AUTS2: variants seen among roughly 807,000 people sequenced by gnomAD.
AUTS2 encodes the protein activator of transcription and developmental regulator AUTS2, also known as autism susceptibility gene 2 protein.
AUTS2 carries 17 observed loss-of-function variants against 112.4 expected under a neutral mutation model. The ratio of observed to expected loss-of-function variants is 0.15; its 90% CI spans 0.10 to 0.23. The LOEUF (loss-of-function observed/expected upper bound fraction) is 0.23, where lower values mean the gene tolerates loss of function less well. AUTS2 is among the 10% of genes least tolerant of loss of function. The probability of loss-of-function intolerance (pLI) is 1.00; values close to 1 mark genes in which losing one functional copy is unlikely to be tolerated. For synonymous variants in AUTS2, 751 were observed against 702.7 expected (o/e 1.07, Z -1.09); for missense variants, 1,510 against 1,701.6 (o/e 0.89, Z 1.98).
chr7:69,941,930 A>G (rs1796642384), intron 2 of AUTS2, among the ~76,000 whole-genome samples: 1 of 152,156 alleles, frequency 6.6e-6, no homozygotes, highest in Non-Finnish European at 1.5e-5. Context: ...TTGAAGATTT[A>G]TTGTACCATG....
intron 1 of AUTS2, among the ~76,000 whole-genome samples, chr7:69,894,137 A>G (rs1428592037): frequency 6.6e-6 from 1 of 151,688 alleles, no homozygotes; most frequent in Non-Finnish European, 1.5e-5. Context: ...CCCTCTATTG[A>G]CAGCCAATAT....
At chr7:70,711,938 T>C (rs1003726113) in intron 6 of AUTS2, among the ~76,000 whole-genome samples, 1 of 152,190 alleles carries the variant, frequency 6.6e-6, no homozygotes, top group Non-Finnish European at 1.5e-5. Context: ...TTGGAGTTCA[T>C]CTGAGAGAGG....
At chr7:70,634,443 G>A (rs1026385599) in intron 5 of AUTS2, among the ~76,000 whole-genome samples, 11 of 152,236 alleles carry the variant, frequency 7.2e-5, no homozygotes, top group Non-Finnish European at 1.6e-4. Context: ...GCTGTTCGGC[G>A]GGCCTAGCCT....
chr7:70,743,616 G>A (rs938985295), intron 6 of AUTS2, among the ~76,000 whole-genome samples: 1 of 152,152 alleles, frequency 6.6e-6, no homozygotes, highest in African/African-American at 2.4e-5. Context: ...AGCATTTGTC[G>A]TGCATTGATC....
intron 5 of AUTS2, among the ~76,000 whole-genome samples, chr7:70,507,175 C>A (rs1026740253): frequency 6.6e-6 from 1 of 152,168 alleles, no homozygotes; most frequent in Non-Finnish European, 1.5e-5. Flanking sequence ...CCTTGCCTTG[C>A]GTATTCCCTC....
intron 5 of AUTS2, among the ~76,000 whole-genome samples, chr7:70,654,062 G>T (rs1262527605): frequency 1.3e-5 from 2 of 152,148 alleles, no homozygotes; most frequent in Non-Finnish European, 2.9e-5. Context: ...CCAGGAAATT[G>T]TATGTTAATC....
chr7:69,799,128 G>T (rs1789973493), intron 1 of AUTS2, among the ~76,000 whole-genome samples: 1 of 151,918 alleles, frequency 6.6e-6, no homozygotes, highest in Non-Finnish European at 1.5e-5. Flanking sequence ...TGGATCCAGG[G>T]TGAACTTGTT....
chr7:69,763,546 A>T (rs148613147), intron 1 of AUTS2, among the ~76,000 whole-genome samples: 1 of 152,236 alleles, frequency 6.6e-6, no homozygotes, highest in East Asian at 1.9e-4. Flanking sequence ...CCATCATATC[A>T]TCTTTCTCCA....
At chr7:70,172,945 G>T (rs980085011) in intron 4 of AUTS2, among the ~76,000 whole-genome samples, 2 of 152,114 alleles carry the variant, frequency 1.3e-5, no homozygotes, top group African/African-American at 2.4e-5. Context: ...AAGTATATGC[G>T]ATTACATTTT....
intron 4 of AUTS2, among the ~76,000 whole-genome samples, chr7:70,251,485 C>T (rs1367740558): frequency 6.6e-6 from 1 of 152,144 alleles, no homozygotes; most frequent in Non-Finnish European, 1.5e-5. Flanking sequence ...TTCTTGTCTT[C>T]TTGTATCTTT....
chr7:69,632,321 A>G (rs1369851813), intron 1 of AUTS2, among the ~76,000 whole-genome samples: 1 of 152,222 alleles, frequency 6.6e-6, no homozygotes, highest in East Asian at 1.9e-4. Context: ...ATTACCCGGC[A>G]TACTGAGCAC....
intron 2 of AUTS2, among the ~76,000 whole-genome samples, chr7:69,998,753 A>G (rs1352337925): frequency 6.6e-6 from 1 of 152,234 alleles, no homozygotes; most frequent in East Asian, 1.9e-4. Context: ...AGTATTTTGG[A>G]AGGTGAGGGA....
chr7:70,091,908 T>A (rs1803941063), intron 2 of AUTS2, among the ~76,000 whole-genome samples: 1 of 152,142 alleles, frequency 6.6e-6, no homozygotes. Context: ...TGTGGTGACA[T>A]ACAAGGGAAA....
At chr7:70,444,377 A>T (rs62455219) in intron 5 of AUTS2, among the ~76,000 whole-genome samples, 47 of 118,016 alleles carry the variant, frequency 4.0e-4, no homozygotes, top group Admixed American at 1.7e-3. Flanking sequence ...TGTGTGTGAG[A>T]GAGAGAGAGA....
chr7:70,708,862 A>G (rs1398233696), intron 6 of AUTS2, among the ~76,000 whole-genome samples: 1 of 151,796 alleles, frequency 6.6e-6, no homozygotes, highest in Non-Finnish European at 1.5e-5. Flanking sequence ...TACATCACCT[A>G]TCAATACAGT....
intron 2 of AUTS2, among the ~76,000 whole-genome samples, chr7:70,024,453 C>T (rs979136626): frequency 1.3e-5 from 2 of 152,108 alleles, no homozygotes; most frequent in South Asian, 2.1e-4. Flanking sequence ...CCATTAATTA[C>T]GGAGTAGTTA....
chr7:70,463,651 C>A (rs1470129526), intron 5 of AUTS2, among the ~76,000 whole-genome samples: 2 of 152,178 alleles, frequency 1.3e-5, no homozygotes, highest in Non-Finnish European at 2.9e-5. Context: ...GTCTTTCTGC[C>A]CTTCCCCAAG....
intron 2 of AUTS2, 106 bp downstream of exon 2, chr7:69,899,604 G>A: frequency 9.5e-7 from 1 of 1,055,980 alleles, no homozygotes; most frequent in Middle Eastern, 3.0e-4. Flanking sequence ...TCCTTGGTGG[G>A]ATGCTGAAGT....
chr7:70,483,306 C>T (rs1312657883), intron 5 of AUTS2, among the ~76,000 whole-genome samples: 1 of 152,200 alleles, frequency 6.6e-6, no homozygotes. Flanking sequence ...TGAATGGATA[C>T]AGCGTTTGAC....
Sources: allele counts gnomAD v4.1 joint callset (sites outside exome capture counted in the v4.1 genomes callset), GRCh38; gene constraint gnomAD v4.1.1; transcripts MANE v1.5; gene names NCBI Gene and HGNC (gene_info 2026-07-23, HGNC 2026-07-21).